ATOSB: variants seen among roughly 807,000 people sequenced by gnomAD.
ATOSB encodes atos homolog protein B.
chr9:35,104,718 A>G, the ATOSB span: 1 of 289,642 alleles, frequency 3.5e-6, no homozygotes, highest in South Asian at 2.7e-5. Flanking sequence ...CTCTTCCCTC[A>G]GCTGAGGGAA....
the ATOSB span, chr9:35,106,971 A>G: frequency 7.8e-7 from 1 of 1,279,076 alleles, no homozygotes; most frequent in Non-Finnish European, 1.1e-6. This position sits in a 1 kb window ranked among gnomAD's most constrained non-coding sequence, Gnocchi z 4.6. Context: ...ACAAACTCTC[A>G]AAGGAACACC....
At chr9:35,107,623 C>T in the ATOSB span, 82 of 1,597,040 alleles carry the variant, frequency 5.1e-5, no homozygotes, top group Non-Finnish European at 6.8e-5. Context: ...TTGGCAGTGC[C>T]AGGGGACTCC....
chr9:35,107,233 G>C, the ATOSB span: 8 of 957,636 alleles, frequency 8.4e-6, no homozygotes, highest in Non-Finnish European at 1.5e-6. Context: ...TGAGGTTGGA[G>C]GATCCCTTGA....
the ATOSB span, chr9:35,107,233 G>T: frequency 1.0e-6 from 1 of 957,736 alleles, no homozygotes; most frequent in Non-Finnish European, 1.5e-6. Flanking sequence ...TGAGGTTGGA[G>T]GATCCCTTGA....
At chr9:35,109,456 G>A in the ATOSB span, 2 of 152,318 alleles carry the variant, frequency 1.3e-5, no homozygotes, top group Non-Finnish European at 2.9e-5. Context: ...ACCTCTCCAC[G>A]CCCCTCCCCC....
chr9:35,111,748 A>T, the ATOSB span, among the ~76,000 whole-genome samples: 2 of 152,168 alleles, frequency 1.3e-5, no homozygotes, highest in Non-Finnish European at 2.9e-5. Context: ...GCCCCCTCCA[A>T]GAGGCACACG....
At chr9:35,107,394 T>C in the ATOSB span, 2 of 1,613,658 alleles carry the variant, frequency 1.2e-6, no homozygotes, top group Non-Finnish European at 1.7e-6. Flanking sequence ...AACAGGCTCT[T>C]TGGGCCCAGG....
the ATOSB span, chr9:35,105,077 C>G: frequency 7.9e-6 from 7 of 890,642 alleles, no homozygotes; most frequent in Non-Finnish European, 9.8e-6. This position sits in a 1 kb window ranked among gnomAD's most constrained non-coding sequence, Gnocchi z 5.5. Flanking sequence ...AAGCTTTAAA[C>G]ACCCAAATAA....
chr9:35,111,850 C>G, the ATOSB span, among the ~76,000 whole-genome samples: 1 of 152,212 alleles, frequency 6.6e-6, no homozygotes, highest in Non-Finnish European at 1.5e-5. Context: ...AACACCCTGC[C>G]CTGCCATTTA....
the ATOSB span, among the ~76,000 whole-genome samples, chr9:35,113,389 G>T: frequency 1.1e-3 from 161 of 152,264 alleles, no homozygotes; most frequent in African/African-American, 3.7e-3. Flanking sequence ...ACTTTGGGAG[G>T]CCAAAGTGGG....
the ATOSB span, chr9:35,106,885 T>G: frequency 6.4e-7 from 1 of 1,569,460 alleles, no homozygotes; most frequent in Non-Finnish European, 8.7e-7. This position sits in a 1 kb window ranked among gnomAD's most constrained non-coding sequence, Gnocchi z 4.6. Flanking sequence ...CCGCAGTCTG[T>G]TGGGTCCTAC....
At chr9:35,113,077 C>T in the ATOSB span, among the ~76,000 whole-genome samples, 1 of 152,322 alleles carries the variant, frequency 6.6e-6, no homozygotes, top group South Asian at 2.1e-4. Context: ...AGGAAATTTT[C>T]AATGCCCTTG....
chr9:35,105,219 A>G, the ATOSB span: 1 of 1,609,026 alleles, frequency 6.2e-7, no homozygotes, highest in African/African-American at 1.3e-5. The surrounding 1 kb of genome is among the most constrained non-coding windows in gnomAD (Gnocchi z 5.5). Context: ...GAGTGCTGGC[A>G]ATCAGGGCAA....
the ATOSB span, chr9:35,106,185 C>A: frequency 4.4e-6 from 7 of 1,601,806 alleles, no homozygotes; most frequent in Non-Finnish European, 6.0e-6. The surrounding 1 kb of genome is among the most constrained non-coding windows in gnomAD (Gnocchi z 4.6). Flanking sequence ...ACCTCTTGCC[C>A]CCTGGCCCCG....
the ATOSB span, chr9:35,108,144 G>T: frequency 3.2e-6 from 5 of 1,578,474 alleles, no homozygotes; most frequent in Non-Finnish European, 4.3e-6. Flanking sequence ...GACCCCGGGG[G>T]ATGTCGCCCC....
the ATOSB span, chr9:35,107,579 A>C: frequency 6.3e-7 from 1 of 1,587,262 alleles, no homozygotes; most frequent in Non-Finnish European, 8.6e-7. Context: ...CTGGGGGTCC[A>C]GGGCCAGGGG....
At chr9:35,104,728 A>AGAGGGGCTATTCCAG in the ATOSB span, 1 of 279,026 alleles carries the variant, frequency 3.6e-6, no homozygotes. Flanking sequence ...AGCTGAGGGA[A>AGAGGGGCTATTCCAG]AGCAGTTCTC....
chr9:35,108,525 T>C, the ATOSB span: 39 of 1,230,622 alleles, frequency 3.2e-5, no homozygotes, highest in African/African-American at 6.0e-4. Context: ...TCAGAACTCC[T>C]GAGAGGGTGA....
At chr9:35,109,467 A>G in the ATOSB span, 1 of 152,396 alleles carries the variant, frequency 6.6e-6, no homozygotes, top group Non-Finnish European at 1.5e-5. Context: ...CCCCTCCCCC[A>G]GTGCTCACAC....
Sources: allele counts gnomAD v4.1 joint callset (sites outside exome capture counted in the v4.1 genomes callset), GRCh38; gene constraint gnomAD v4.1.1; non-coding constraint Gnocchi (gnomAD v3.1); transcripts MANE v1.5; gene names NCBI Gene and HGNC (gene_info 2026-07-23, HGNC 2026-07-21).